Variants in IL12RB1 observed in about 807,000 individuals in gnomAD.
The protein encoded by IL12RB1 is interleukin 12 receptor subunit beta 1.
A neutral mutation model predicts 94.4 loss-of-function variants in IL12RB1; 64 were observed. That is an observed-to-expected ratio of 0.68 (90% CI 0.55 to 0.83). The LOEUF (loss-of-function observed/expected upper bound fraction) is 0.83. Ranked by LOEUF, IL12RB1 falls within the 40% of genes least tolerant of loss-of-function variation. The probability of loss-of-function intolerance (pLI) is 0.00; values close to 1 mark genes in which losing one functional copy is unlikely to be tolerated. For synonymous variants in IL12RB1, 362 were observed against 355.5 expected (o/e 1.02, Z -0.21); for missense variants, 814 against 855.6 (o/e 0.95, Z 0.61).
rs774555779 is a variant in IL12RB1, at chr19:18,068,516, G to A, written c.1200C>T (p.Ser400=). 3 of 1,612,554 alleles carry A rather than the reference G, an allele frequency of 1.9e-6. No individual in the cohort carries two copies. The South Asian group carries it at 3.3e-5, about 18-fold the overall frequency. The change falls in exon 11 of 17, where the codon AGC becomes AGT. Residue 400 remains serine (S), a synonymous_variant. Transcript: ENST00000593993. ...DPDPAGMATY[S]WSRESGAMGQ... is the part of the protein sequence containing the mutation. ...CCATTGCCCCAGACTCTCGACTCCA[G>A]CTGTAGGTTGCTGGAAGGATAAGCA...
rs376703323 is a variant in IL12RB1 at position 18,086,858 on chromosome 19, C to T, written c.-35G>A. ...GTAGAGCCCCACAGCCCCAGGGGAG[C>T]CTCTCTGCCACCTGCGAGGTTCAGC... is the stretch of plus-strand genomic sequence containing the variant. On this transcript the variant is annotated 5_prime_UTR_variant, in exon 1 of 17. Coordinates refer to ENST00000593993, the MANE Select transcript of IL12RB1 (RefSeq NM_005535.3). The T allele has an allele frequency of 1.1e-5, 18 of 1,597,320 alleles. No individual in the cohort carries two copies. In the South Asian group the frequency reaches 2.0e-4, roughly 18 times the overall value.
chr19:18,063,048 C>T (rs2034267631), intron 13 of IL12RB1, among the ~76,000 whole-genome samples: 1 of 136,124 alleles, frequency 7.3e-6, no homozygotes, highest in African/African-American at 2.8e-5. Context: ...TCTTCCTCTT[C>T]TTCTTCTTTC....
At chr19:18,092,547 G>A (rs2036677969) in intron 1 of IL12RB1, among the ~76,000 whole-genome samples, 1 of 151,978 alleles carries the variant, frequency 6.6e-6, no homozygotes, top group Admixed American at 6.6e-5. Context: ...GCACGCGCCT[G>A]TAATCCTAGC....
In IL12RB1 at chr19:18,083,154, G is replaced by C. The variant is rs2036033162; in HGVS notation, c.124+278C>G. 5.2e-6 allele frequency: 3 copies of C among 571,882 alleles called. No homozygotes were observed. In the East Asian group the frequency reaches 8.9e-5, roughly 17 times the overall value. 35.4% of individuals were successfully genotyped at this position (571,882 alleles called of 1,614,324 possible). A position where few individuals can be genotyped will look rare whatever the true frequency, so the allele number is the denominator to read the frequency against. Reference sequence around the variant, plus strand: ...GGGGGGGGCTTCAAAATGCTTAACAGGTACTTTCTCCCATGTACCGACCAA... The same window carrying C: ...GGGGGGGGCTTCAAAATGCTTAACACGTACTTTCTCCCATGTACCGACCAA... On this transcript the variant is annotated intron_variant, in intron 2 of 16. Coordinates refer to ENST00000593993, the MANE Select transcript of IL12RB1 (RefSeq NM_005535.3).
intron 1 of IL12RB1, among the ~76,000 whole-genome samples, chr19:18,095,179 A>AAAAT (rs1175834038): frequency 3.3e-5 from 5 of 152,156 alleles, no homozygotes; most frequent in Non-Finnish European, 7.3e-5. Context: ...ACTTCATCTC[A>AAAAT]AAATAAATAA....
intron 1 of IL12RB1, among the ~76,000 whole-genome samples, chr19:18,097,090 C>T (rs139909427): frequency 1.2e-3 from 188 of 152,098 alleles, no homozygotes; most frequent in African/African-American, 4.2e-3. Context: ...TTTGTGGGGC[C>T]ACCTTAAATT....
In IL12RB1 at chr19:18,059,969, C is replaced by T. The variant is rs748205033; in HGVS notation, c.1908G>A (p.Glu636=). ...GERTEPLEKT[E]LPEGAPELAL... The stretch of plus-strand genomic sequence containing the variant: ...CCAGCTCAGGGGCACCCTCAGGTAG[C>T]TCTGTCTTCTCGAGAGGCTCAGTCC... The change falls in exon 16 of 17, where the codon GAG becomes GAA. Residue 636 remains glutamate (E), a synonymous_variant. Transcript: ENST00000593993. 4 of 1,599,694 alleles carry T rather than the reference C, an allele frequency of 2.5e-6. No individual in the cohort carries two copies. The highest frequency in any genetic ancestry group is 2.6e-6 in the Non-Finnish European group (3 of 1,172,456).
At chr19:18,076,203 CA>C in intron 6 of IL12RB1, 93 bp downstream of exon 6, 2 of 780,266 alleles carry the variant, frequency 2.6e-6, no homozygotes. Context: ...AAGAGGCATA[CA>C]AAAAAATTCA....
In IL12RB1 at chr19:18,072,308, C is replaced by T. The variant is rs141737618; in HGVS notation, c.825G>A (p.Ala275=). The part of the protein sequence containing the change: ...LELPEGCQGL[A]PGTEVTYRLQ... ...GTCGGTAAGTGACCTCCGTGCCAGG[C>T]GCCAGCCCTTGACAGCCTTCTGGAA... Residue 275 remains alanine, a synonymous_variant, in exon 9 of 17, where the codon GCG becomes GCA. Transcript: ENST00000593993. 31 of 1,613,936 alleles carry T rather than the reference C, an allele frequency of 1.9e-5. No individual in the cohort carries two copies. Among genetic ancestry groups the T allele is most frequent in the African/African-American group, 4.0e-5 (3 of 74,926 alleles).
intron 8 of IL12RB1, 50 bp from the exon 9 acceptor site, chr19:18,072,399 TCC>T: frequency 1.7e-6 from 2 of 1,199,290 alleles, no homozygotes; most frequent in Non-Finnish European, 2.5e-6. Context: ...ACACTCATCA[TCC>T]CATAGGCAGA....
intron 12 of IL12RB1, 35 bp downstream of exon 12, chr19:18,066,507 T>C (rs1202299914): frequency 5.3e-6 from 8 of 1,522,720 alleles, no homozygotes; most frequent in African/African-American, 1.4e-5. Context: ...GATCCTCCCT[T>C]CCTCCCCAAG....
chr19:18,075,088 C>CA (rs111457499), intron 7 of IL12RB1, among the ~76,000 whole-genome samples: 18 of 150,368 alleles, frequency 1.2e-4, no homozygotes, highest in African/African-American at 2.9e-4. Flanking sequence ...AACAAACAAA[C>CA]AAAAAAAACA....
At chr19:18,091,857 G>A (rs1350732126), upstream of IL12RB1, among the ~76,000 whole-genome samples, 2 of 146,128 alleles carry the variant, frequency 1.4e-5, no homozygotes, top group Non-Finnish European at 3.0e-5. Context: ...CCACCATGAT[G>A]CCTGGCTTTT....
chr19:18,098,235 G>A (rs1357706131), intron 1 of IL12RB1, among the ~76,000 whole-genome samples: 2 of 152,158 alleles, frequency 1.3e-5, no homozygotes, highest in African/African-American at 2.4e-5. Flanking sequence ...GGTCGTCGCT[G>A]CACCACTGTA....
chr19:18,087,558 C>T (rs1172593780), upstream of IL12RB1, among the ~76,000 whole-genome samples: 1 of 151,698 alleles, frequency 6.6e-6, no homozygotes, highest in African/African-American at 2.4e-5. Context: ...ATCTGTGGCC[C>T]AGCTGTAGTG....
intron 12 of IL12RB1, 128 bp from the exon 13 acceptor site, chr19:18,064,138 C>CA: frequency 2.9e-6 from 1 of 349,642 alleles, no homozygotes; most frequent in Non-Finnish European, 5.2e-6. Flanking sequence ...CTCTTTCTTT[C>CA]TTTTTTTTTT....
At chr19:18,067,884 C>T (rs780006761) in intron 11 of IL12RB1, among the ~76,000 whole-genome samples, 11 of 151,740 alleles carry the variant, frequency 7.2e-5, no homozygotes, top group Non-Finnish European at 1.5e-4. Flanking sequence ...TCTGTAGAGA[C>T]GGGGTCTTGC....
Position 18,069,815 on chromosome 19 carries a change from C to A in IL12RB1, c.1022-102G>T, listed in dbSNP as rs992131495. The A allele has an allele frequency of 7.9e-5, 69 of 876,538 alleles. No homozygotes were observed. The Admixed American group carries it at 1.1e-3, about 14-fold the overall frequency. 54.3% of individuals were successfully genotyped at this position (876,538 alleles called of 1,614,324 possible). A position where few individuals can be genotyped will look rare whatever the true frequency, so the allele number is the denominator to read the frequency against. ...TCTCTCCCACCCTCTCGTCTATACC[C>A]CTGACCCTACAGGGCCAGGGGTGTC... is the stretch of plus-strand genomic sequence containing the variant. On this transcript the variant is annotated intron_variant, in intron 9 of 16. Coordinates refer to ENST00000593993, the MANE Select transcript of IL12RB1 (RefSeq NM_005535.3).
At chr19:18,077,390 C>T in intron 5 of IL12RB1, 126 bp downstream of exon 5, 1 of 742,678 alleles carries the variant, frequency 1.3e-6, no homozygotes, top group Non-Finnish European at 2.3e-6. Flanking sequence ...AGAAAAAAAC[C>T]ACCTCAGGGG....
Sources: gnomAD v4.1 joint callset for allele counts (sites outside exome capture counted in the v4.1 genomes callset) on GRCh38, gnomAD v4.1.1 for gene constraint, MANE v1.5 for transcripts, NCBI Gene and HGNC (gene_info 2026-07-23, HGNC 2026-07-21) for gene names.